Variants in SCARA3 observed in about 807,000 individuals in gnomAD.
SCARA3 encodes the protein scavenger receptor class A member 3.
A neutral mutation model predicts 47.0 loss-of-function variants in SCARA3; 39 were observed. The ratio of observed to expected loss-of-function variants is 0.83; its 90% CI spans 0.64 to 1.08. The LOEUF is 1.08. Ranked by LOEUF, SCARA3 falls within the 50% of genes least tolerant of loss-of-function variation. The pLI, the probability that SCARA3 is intolerant of heterozygous loss-of-function variation, is 0.00. For missense variants in SCARA3, 724 were observed against 792.3 expected (o/e 0.91, Z 1.04); for synonymous variants, 356 against 334.1 (o/e 1.07, Z -0.71).
At chr8:27,699,394 C>T in the SCARA3 span, among the ~76,000 whole-genome samples, 1 of 151,854 alleles carries the variant, frequency 6.6e-6, no homozygotes, top group Non-Finnish European at 1.5e-5. Flanking sequence ...GGCTGGAGTG[C>T]AGTGGCATGA....
At chr8:27,645,234 A>G (rs35950678) in intron 1 of SCARA3, among the ~76,000 whole-genome samples, 3,043 of 152,356 alleles carry the variant, frequency 0.02, 129 homozygotes, top group African/African-American at 0.071. Context: ...TAAGTCATCA[A>G]TCTTCATTTT....
At position 27,672,772 on chromosome 8, in the gene SCARA3, A is replaced by T; in HGVS notation, c.*1421A>T. On this transcript the variant is annotated 3_prime_UTR_variant, in exon 6 of 6. Coordinates refer to ENST00000301904, the MANE Select transcript of SCARA3 (RefSeq NM_016240.3). ...TACACTCTAAAGCTGCTTTGCCTTC[A>T]TGTTCAAACAGATTCAGGCACCACC... 5.1e-6 allele frequency: 5 copies of T among 985,534 alleles called. No homozygotes were observed. Among genetic ancestry groups the T allele is most frequent in the Non-Finnish European group, 6.0e-6 (5 of 830,012 alleles). 61.0% of individuals were successfully genotyped at this position (985,534 alleles called of 1,614,324 possible).
At chr8:27,685,793 G>A in the SCARA3 span, among the ~76,000 whole-genome samples, 1 of 152,132 alleles carries the variant, frequency 6.6e-6, no homozygotes, top group African/African-American at 2.4e-5. Flanking sequence ...CAAGCCTCTA[G>A]ACCTATCTTC....
intron 4 of SCARA3, 62 bp from the exon 5 acceptor site, chr8:27,658,434 A>T: frequency 1.4e-6 from 2 of 1,418,720 alleles, no homozygotes; most frequent in Non-Finnish European, 1.9e-6. Flanking sequence ...TATTTAATTT[A>T]AAGAGGAAGC....
chr8:27,674,575 C>T (rs1017799335), downstream of SCARA3, among the ~76,000 whole-genome samples: 3 of 152,078 alleles, frequency 2.0e-5, no homozygotes, highest in Admixed American at 6.5e-5. Flanking sequence ...AGGGCCAAGG[C>T]GATGAAGTCT....
At chr8:27,705,555 AT>A in the SCARA3 span, among the ~76,000 whole-genome samples, 7 of 152,184 alleles carry the variant, frequency 4.6e-5, no homozygotes, top group Non-Finnish European at 1.0e-4. Context: ...ACCTTGAGTA[AT>A]TTACTTGGCC....
At chr8:27,639,694 C>G (rs907834261) in intron 1 of SCARA3, among the ~76,000 whole-genome samples, 4 of 152,104 alleles carry the variant, frequency 2.6e-5, no homozygotes, top group African/African-American at 9.7e-5. Context: ...GTGGCCTTAG[C>G]CCATGTTGAG....
At chr8:27,642,685 G>T (rs901850232) in intron 1 of SCARA3, among the ~76,000 whole-genome samples, 1 of 152,318 alleles carries the variant, frequency 6.6e-6, no homozygotes, top group East Asian at 1.9e-4. Flanking sequence ...TTAGCTGGGT[G>T]TGATGGCACA....
At chr8:27,645,326 A>G (rs892005349) in intron 1 of SCARA3, among the ~76,000 whole-genome samples, 1 of 152,246 alleles carries the variant, frequency 6.6e-6, no homozygotes, top group Non-Finnish European at 1.5e-5. Context: ...GGGCCAGAAA[A>G]CACATCTTTA....
At chr8:27,696,029 T>C in the SCARA3 span, among the ~76,000 whole-genome samples, 1 of 152,100 alleles carries the variant, frequency 6.6e-6, no homozygotes, top group Non-Finnish European at 1.5e-5. Context: ...TTTAATTTTT[T>C]TTTTTTGAGA....
chr8:27,678,937 C>T (rs1168163402), downstream of SCARA3, among the ~76,000 whole-genome samples: 1 of 152,134 alleles, frequency 6.6e-6, no homozygotes, highest in African/African-American at 2.4e-5. Context: ...CCTGTAATCC[C>T]AGCACTTTGG....
At chr8:27,688,358 A>C in the SCARA3 span, among the ~76,000 whole-genome samples, 1 of 152,008 alleles carries the variant, frequency 6.6e-6, no homozygotes, top group Non-Finnish European at 1.5e-5. Context: ...ACAAAGCAAC[A>C]GATAAATATA....
At chr8:27,637,768 G>T (rs1801286583) in intron 1 of SCARA3, among the ~76,000 whole-genome samples, 1 of 152,080 alleles carries the variant, frequency 6.6e-6, no homozygotes, top group Non-Finnish European at 1.5e-5. Flanking sequence ...GGGTGGAAGT[G>T]GGGAGAGGAG....
At chr8:27,716,422 A>G in the SCARA3 span, among the ~76,000 whole-genome samples, 1 of 152,080 alleles carries the variant, frequency 6.6e-6, no homozygotes, top group Non-Finnish European at 1.5e-5. Context: ...TTTTTCTTTT[A>G]AACCAGAAAG....
intron 1 of SCARA3, among the ~76,000 whole-genome samples, chr8:27,644,621 G>GGAGAGAGAGAGAGA (rs71553870): frequency 3.4e-5 from 5 of 147,176 alleles, no homozygotes; most frequent in African/African-American, 1.3e-4. Context: ...GAAAAGAAGG[G>GGAGAGAGAGAGAGA]GAGAGAGAGA....
intron 1 of SCARA3, among the ~76,000 whole-genome samples, chr8:27,637,875 C>T (rs989266415): frequency 6.6e-6 from 1 of 151,872 alleles, no homozygotes; most frequent in Admixed American, 6.6e-5. Context: ...AGCGGCCAGG[C>T]TGGGGGCCCC....
chr8:27,701,880 G>T, the SCARA3 span: 4 of 154,388 alleles, frequency 2.6e-5, no homozygotes, highest in African/African-American at 9.6e-5. Flanking sequence ...CTGAGCTAAG[G>T]GATGTTCAGT....
At chr8:27,652,313 A>T (rs186141297) in intron 3 of SCARA3, among the ~76,000 whole-genome samples, 2 of 152,360 alleles carry the variant, frequency 1.3e-5, no homozygotes, top group East Asian at 3.9e-4. Context: ...AGATGCTGAC[A>T]GATTGTGGTA....
chr8:27,705,196 G>C, the SCARA3 span, among the ~76,000 whole-genome samples: 1 of 152,212 alleles, frequency 6.6e-6, no homozygotes, highest in Admixed American at 6.5e-5. Context: ...GGGTATTGAG[G>C]AAGGGAGAGG....
Sources: gnomAD v4.1 joint callset for allele counts (sites outside exome capture counted in the v4.1 genomes callset) on GRCh38, gnomAD v4.1.1 for gene constraint, MANE v1.5 for transcripts, NCBI Gene and HGNC (gene_info 2026-07-23, HGNC 2026-07-21) for gene names.